The following RAB3C variants were observed in gnomAD, a reference collection of about 807,000 sequenced individuals.
RAB3C encodes RAB3C, member RAS oncogene family, also known as ras-related protein Rab-3C.
Under a neutral mutation model 26.4 loss-of-function variants are expected in RAB3C, and 17 were observed. That is an observed-to-expected ratio of 0.64 (90% CI 0.44 to 0.97). The LOEUF is 0.97. Among genes scored for constraint, RAB3C ranks in the 50% least tolerant of loss-of-function variants. RAB3C has a pLI of 0.00. For synonymous variants in RAB3C, 91 were observed against 95.9 expected (o/e 0.95, Z 0.30); for missense variants, 242 against 281.9 (o/e 0.86, Z 1.01).
intron 4 of RAB3C, among the ~76,000 whole-genome samples, chr5:58,837,459 G>A (rs1229779090): frequency 1.3e-5 from 2 of 151,894 alleles, no homozygotes; most frequent in East Asian, 3.9e-4. Flanking sequence ...TGGGATTACA[G>A]GCATGAGCCA....
intron 3 of RAB3C, among the ~76,000 whole-genome samples, chr5:58,820,868 A>G (rs1272039179): frequency 1.3e-5 from 2 of 152,198 alleles, no homozygotes; most frequent in African/African-American, 4.8e-5. Flanking sequence ...GCATAAATGT[A>G]TAACCTATTA....
At chr5:58,801,438 G>A (rs1040896111) in intron 3 of RAB3C, among the ~76,000 whole-genome samples, 2 of 152,206 alleles carry the variant, frequency 1.3e-5, no homozygotes, top group African/African-American at 2.4e-5. Flanking sequence ...GGAAGCATAT[G>A]AGCATCTGGG....
At chr5:58,753,751 G>T (rs1197398559) in intron 3 of RAB3C, among the ~76,000 whole-genome samples, 3 of 152,134 alleles carry the variant, frequency 2.0e-5, no homozygotes, top group Non-Finnish European at 4.4e-5. Flanking sequence ...CAAGGGAATG[G>T]CAGACAAGCA....
At chr5:58,679,179 G>A (rs954236658) in intron 2 of RAB3C, among the ~76,000 whole-genome samples, 4 of 152,310 alleles carry the variant, frequency 2.6e-5, no homozygotes, top group Middle Eastern at 3.4e-3. Flanking sequence ...TTTTGAAGGA[G>A]AAGCAGCAGG....
chr5:58,684,239 G>A (rs182929660), intron 2 of RAB3C, among the ~76,000 whole-genome samples: 87 of 152,316 alleles, frequency 5.7e-4, no homozygotes, highest in Admixed American at 6.5e-4. Flanking sequence ...AGGAGGATCT[G>A]CGTAAGTTAT....
At chr5:58,769,256 A>G (rs887880361) in intron 3 of RAB3C, among the ~76,000 whole-genome samples, 1 of 152,018 alleles carries the variant, frequency 6.6e-6, no homozygotes, top group African/African-American at 2.4e-5. Flanking sequence ...TGAAATTTCC[A>G]TTGGATGTCC....
intron 3 of RAB3C, among the ~76,000 whole-genome samples, chr5:58,732,257 C>A (rs1741041298): frequency 6.6e-6 from 1 of 151,366 alleles, no homozygotes; most frequent in South Asian, 2.1e-4. Context: ...TATGAGATTG[C>A]TGAAAACCAA....
intron 2 of RAB3C, among the ~76,000 whole-genome samples, chr5:58,642,670 T>C (rs1747433637): frequency 6.6e-6 from 1 of 152,240 alleles, no homozygotes; most frequent in South Asian, 2.1e-4. Context: ...TTGTGATGGA[T>C]GGTTTTTCCT....
chr5:58,733,626 GAAAT>G (rs1741072499), intron 3 of RAB3C, among the ~76,000 whole-genome samples: 1 of 152,136 alleles, frequency 6.6e-6, no homozygotes, highest in African/African-American at 2.4e-5. Flanking sequence ...TTTGATTTAA[GAAAT>G]AAATTAACGA....
intron 3 of RAB3C, among the ~76,000 whole-genome samples, chr5:58,807,240 T>C (rs1742962426): frequency 6.6e-6 from 1 of 152,212 alleles, no homozygotes; most frequent in African/African-American, 2.4e-5. Context: ...CTGGATGGTC[T>C]CTGCAGATGG....
intron 2 of RAB3C, among the ~76,000 whole-genome samples, chr5:58,696,273 C>T (rs1481160522): frequency 5.9e-5 from 9 of 152,270 alleles, no homozygotes; most frequent in African/African-American, 2.2e-4. Context: ...GGGATGAAGC[C>T]AACTTGATCG....
At chr5:58,732,819 A>G (rs1207756679) in intron 3 of RAB3C, among the ~76,000 whole-genome samples, 1 of 152,120 alleles carries the variant, frequency 6.6e-6, no homozygotes, top group Non-Finnish European at 1.5e-5. Flanking sequence ...TTATATTAAT[A>G]TATTTGCTAA....
At chr5:58,826,377 G>C (rs1327138968) in intron 4 of RAB3C, among the ~76,000 whole-genome samples, 1 of 152,122 alleles carries the variant, frequency 6.6e-6, no homozygotes, top group East Asian at 1.9e-4. Context: ...AAGGTGAGAG[G>C]ACAGTGAATA....
chr5:58,693,857 G>A (rs1018446147), intron 2 of RAB3C, among the ~76,000 whole-genome samples: 3 of 152,060 alleles, frequency 2.0e-5, no homozygotes, highest in African/African-American at 7.2e-5. Flanking sequence ...AGGCATCTGG[G>A]GGCTTTCCTG....
chr5:58,642,747 C>T (rs1747435169), intron 2 of RAB3C, among the ~76,000 whole-genome samples: 1 of 152,226 alleles, frequency 6.6e-6, no homozygotes. Flanking sequence ...TTCACTTCTT[C>T]CTCCCTAGAG....
chr5:58,725,867 AC>A (rs1423432478), intron 2 of RAB3C, 134 bp from the exon 3 acceptor site: 1 of 501,446 alleles, frequency 2.0e-6, no homozygotes, highest in Non-Finnish European at 3.6e-6. Context: ...GGGAAACAAG[AC>A]CAAAAAAGAT....
chr5:58,846,193 G>A (rs1743997224), intron 4 of RAB3C, among the ~76,000 whole-genome samples: 1 of 152,020 alleles, frequency 6.6e-6, no homozygotes, highest in Non-Finnish European at 1.5e-5. Context: ...AGGTTGATAG[G>A]CACTTGGATT....
chr5:58,621,156 A>T (rs1032987515), intron 2 of RAB3C, among the ~76,000 whole-genome samples: 2 of 152,230 alleles, frequency 1.3e-5, no homozygotes, highest in African/African-American at 4.8e-5. Context: ...TAAGATCCAC[A>T]TCATCTTAGC....
intron 2 of RAB3C, among the ~76,000 whole-genome samples, chr5:58,645,177 A>G (rs572678452): frequency 2.3e-4 from 35 of 152,342 alleles, no homozygotes; most frequent in African/African-American, 7.5e-4. Flanking sequence ...TCAGGGTCAA[A>G]TGAGACTGAA....
Sources: gnomAD v4.1 joint callset for allele counts (sites outside exome capture counted in the v4.1 genomes callset) on GRCh38, gnomAD v4.1.1 for gene constraint, MANE v1.5 for transcripts, NCBI Gene and HGNC (gene_info 2026-07-23, HGNC 2026-07-21) for gene names.